The following UGT2A1 variants were observed in gnomAD, a reference collection of about 807,000 sequenced individuals.
The protein encoded by UGT2A1 is UDP glucuronosyltransferase family 2 member A1 complex locus, also known as UDP-glucuronosyltransferase 2A1.
In UGT2A1, 61 loss-of-function variants were observed where a neutral mutation model predicts 45.4. The observed-to-expected ratio is 1.34, with a 90% confidence interval of 1.09 to 1.66. The LOEUF is 1.66. Ranked by LOEUF, UGT2A1 falls within the 40% of genes most tolerant of loss-of-function variation. UGT2A1 has a pLI of 0.00. For missense variants in UGT2A1, 649 were observed against 574.3 expected, an observed-to-expected ratio of 1.13 and a Z score of -1.33; for synonymous variants, 229 against 196.2, an observed-to-expected ratio of 1.17 and a Z score of -1.40.
At chr4:69,618,877 G>A (rs1342087874) in intron 3 of UGT2A1, among the ~76,000 whole-genome samples, 4 of 151,534 alleles carry the variant, frequency 2.6e-5, no homozygotes, top group Non-Finnish European at 4.4e-5. Context: ...ACCAAACTTC[G>A]GAAAATTTTC....
chr4:69,620,007 G>A (rs1720650160), intron 3 of UGT2A1, among the ~76,000 whole-genome samples: 1 of 152,068 alleles, frequency 6.6e-6, no homozygotes, highest in South Asian at 2.1e-4. Flanking sequence ...AGACATATAT[G>A]ACAAACCCCC....
intron 3 of UGT2A1, among the ~76,000 whole-genome samples, chr4:69,633,525 G>A (rs191158331): frequency 1.3e-4 from 20 of 152,210 alleles, no homozygotes; most frequent in African/African-American, 4.1e-4. Context: ...ATCATAAGGT[G>A]GCAAAACCAA....
intron 3 of UGT2A1, among the ~76,000 whole-genome samples, chr4:69,621,560 A>G (rs1182150900): frequency 6.6e-6 from 1 of 151,864 alleles, no homozygotes; most frequent in Non-Finnish European, 1.5e-5. Flanking sequence ...GTAGAAGGGT[A>G]AATTAGTTCA....
At chr4:69,595,629 T>C (rs1718877684) in intron 4 of UGT2A1, among the ~76,000 whole-genome samples, 1 of 152,112 alleles carries the variant, frequency 6.6e-6, no homozygotes, top group Non-Finnish European at 1.5e-5. Context: ...GTGTCATGAA[T>C]AGAAGTATAA....
chr4:69,590,441 AG>A (rs1441001888), intron 6 of UGT2A1, among the ~76,000 whole-genome samples: 1 of 152,194 alleles, frequency 6.6e-6, no homozygotes, highest in Admixed American at 6.5e-5. Context: ...CAAAATTAGT[AG>A]GTTTCATTTT....
At position 69,635,696 on chromosome 4, in the gene UGT2A1, G is replaced by T; in HGVS notation, c.842C>A (p.Pro281Gln). ...SLHCSWDYRLPAGRPTTLCET... is the reference protein window; with the variant it reads ...SLHCSWDYRLQAGRPTTLCET... Reference sequence around the variant, plus strand: ...AATACAAAAATTAGCCTGACCTGCTGGCAGCCTGTAATCCCAACTACAATG... The same window carrying T: ...AATACAAAAATTAGCCTGACCTGCTTGCAGCCTGTAATCCCAACTACAATG... The change falls in exon 3 of 7, where the codon CCA (proline) becomes CAA (glutamine). Residue 281 changes from proline to glutamine, a missense_variant. By Grantham distance (76) the Pro-to-Gln change is moderately conservative. Coordinates refer to ENST00000286604, the MANE Select transcript of UGT2A1 (RefSeq NM_001252275.3). 1 of 285,570 alleles carries T rather than the reference G, an allele frequency of 3.5e-6. No individual in the cohort carries two copies. The highest frequency in any genetic ancestry group is 2.7e-5 in the South Asian group (1 of 36,604). The allele number at this position is 285,570 out of a possible 1,614,324, so 17.7% of individuals were successfully genotyped here.
At chr4:69,613,660 A>G (rs1461538386) in intron 3 of UGT2A1, among the ~76,000 whole-genome samples, 2 of 151,992 alleles carry the variant, frequency 1.3e-5, no homozygotes, top group South Asian at 2.1e-4. Flanking sequence ...TGGATGCAAA[A>G]ATTTTTCAAC....
chr4:69,594,477 G>A lies in UGT2A1; in HGVS notation c.1304C>T (p.Ser435Phe), dbSNP rs773148820. ...AGTTTTTAGGAGCCTTAGTACTTACGAAGGTTCATTAATGACTGTTCTCAA... is the reference window on the plus strand; with the variant it reads ...AGTTTTTAGGAGCCTTAGTACTTACAAAGGTTCATTAATGACTGTTCTCAA... The part of the protein sequence containing the change: ...SALRTVINEP[S>F]YKENAMRLSR... The change falls in exon 6 of 7, where the codon TCT (serine) becomes TTT (phenylalanine). Residue 435 changes from serine to phenylalanine, a missense_variant and splice_region_variant. Transcript: ENST00000286604. The A allele has an allele frequency of 6.8e-6, 11 of 1,613,928 alleles. No individual in the cohort carries two copies. The African/African-American group carries it at 8.0e-5, about 12-fold the overall frequency.
intron 6 of UGT2A1, among the ~76,000 whole-genome samples, chr4:69,590,033 A>T (rs544006247): frequency 6.6e-6 from 1 of 152,336 alleles, no homozygotes; most frequent in South Asian, 2.1e-4. Flanking sequence ...ATACATAAAC[A>T]TATCCTCTAG....
intron 3 of UGT2A1, among the ~76,000 whole-genome samples, chr4:69,626,340 C>A (rs1233280534): frequency 2.0e-5 from 3 of 150,592 alleles, no homozygotes; most frequent in African/African-American, 7.3e-5. Context: ...GTTTGGAGAC[C>A]TTTAACCATG....
chr4:69,619,990 T>C (rs6855294), intron 3 of UGT2A1, among the ~76,000 whole-genome samples: 53,460 of 151,794 alleles, frequency 0.35, 9,746 homozygotes, highest in African/African-American at 0.43. Flanking sequence ...TACCTCAAAA[T>C]AATAAGAGAC....
At chr4:69,615,638 A>C (rs2109925874) in intron 3 of UGT2A1, among the ~76,000 whole-genome samples, 1 of 152,176 alleles carries the variant, frequency 6.6e-6, no homozygotes, top group South Asian at 2.1e-4. Flanking sequence ...TCATCAAAGA[A>C]ATGCAAGTAA....
In UGT2A1 at chr4:69,594,505, C is replaced by A. The variant is rs745764251; in HGVS notation, c.1276G>T (p.Ala426Ser). Residue 426 changes from alanine (A) to serine (S), a missense_variant, in exon 6 of 7, where the codon GCT becomes TCT. Physicochemically the swap from Ala to Ser is moderately conservative, Grantham distance 99 (BLOSUM62 1). Transcript: ENST00000286604. The part of the protein sequence containing the change: ...NTMTSVDLLS[A>S]LRTVINEPSY... ...GGTTCATTAATGACTGTTCTCAAAG[C>A]GCTAAGCAAATCCACACTTGTCATT... is the stretch of plus-strand genomic sequence containing the variant. 3.1e-6 allele frequency: 5 copies of A among 1,613,964 alleles called. No individual in the cohort carries two copies. The Admixed American group carries it at 6.7e-5, about 22-fold the overall frequency.
At position 69,652,983 on chromosome 4, in the gene UGT2A1, G is replaced by A. The variant is rs548831400; in HGVS notation, c.-55+205C>T. 1.2e-3 allele frequency among the ~76,000 whole-genome samples: 180 copies of A among 152,242 alleles called. 1 individual carries two copies. The highest frequency in any genetic ancestry group is 4.0e-3 in the African/African-American group (165 of 41,532). On this transcript the variant is annotated intron_variant, in intron 1 of 6. Transcript: ENST00000286604. ...TGTCCACACAGTTCCCTCGATATCT[G>A]TAAAATTATTTTGAAGTATAAAATC... is the stretch of plus-strand genomic sequence containing the variant.
At chr4:69,625,172 T>C (rs1044243775) in intron 3 of UGT2A1, among the ~76,000 whole-genome samples, 7 of 151,180 alleles carry the variant, frequency 4.6e-5, no homozygotes, top group Non-Finnish European at 1.0e-4. Flanking sequence ...ATTCTTTTTT[T>C]TTCTTTGCTA....
At position 69,602,387 on chromosome 4, in the gene UGT2A1, G is replaced by T. The variant is rs923627831; in HGVS notation, c.848-2993C>A. 2.6e-4 allele frequency among the ~76,000 whole-genome samples: 35 copies of T among 136,862 alleles called. 7 individuals carry two copies. Among genetic ancestry groups the T allele is most frequent in the Admixed American group, 2.4e-3 (34 of 13,970 alleles). The allele number at this position is 136,862 out of a possible 152,430, so 89.8% of individuals were successfully genotyped here. A position where few individuals can be genotyped will look rare whatever the true frequency, so the allele number is the denominator to read the frequency against. On this transcript the variant is annotated intron_variant, in intron 3 of 6. Coordinates refer to ENST00000286604, the MANE Select transcript of UGT2A1 (RefSeq NM_001252275.3). ...AAAAAAGTCAGTGGTATGTACTAAT[G>T]ACAACTTTAATTCAACAATACTTTA... is the stretch of plus-strand genomic sequence containing the variant.
At position 69,652,408 on chromosome 4, in the gene UGT2A1, C is replaced by T. The variant is rs193047908; in HGVS notation, c.-55+780G>A. On this transcript the variant is annotated intron_variant, in intron 1 of 6. Transcript: ENST00000286604. ...AAGCTATTCTCCTGCCTCAGCCTCC[C>T]GAGTAGCTGGGATTATAGGCGACCA... Among the ~76,000 whole-genome samples the T allele has an allele frequency of 4.8e-3, 715 of 150,310 alleles. 2 individuals carry two copies. Among genetic ancestry groups the T allele is most frequent in the Middle Eastern group, 0.014 (4 of 294 alleles).
intron 4 of UGT2A1, 28 bp from the exon 5 acceptor site, chr4:69,595,277 A>G (rs1383178919): frequency 1.2e-6 from 2 of 1,610,956 alleles, no homozygotes; most frequent in East Asian, 4.5e-5. Flanking sequence ...TTAATTTTGC[A>G]AGGAAAAACA....
intron 3 of UGT2A1, among the ~76,000 whole-genome samples, chr4:69,617,164 A>C (rs1720452706): frequency 6.6e-6 from 1 of 151,830 alleles, no homozygotes; most frequent in Admixed American, 6.6e-5. Flanking sequence ...CACTTTCAAA[A>C]CTATAAAACA....
Sources: allele counts gnomAD v4.1 joint callset (sites outside exome capture counted in the v4.1 genomes callset), GRCh38; gene constraint gnomAD v4.1.1; transcripts MANE v1.5; gene names NCBI Gene and HGNC (gene_info 2026-07-23, HGNC 2026-07-21).